Variants in PCED1B observed in about 807,000 individuals in gnomAD.
PCED1B encodes the protein PC-esterase domain-containing protein 1B.
For synonymous variants in PCED1B, 251 were observed against 246.1 expected, an observed-to-expected ratio of 1.02 and a Z score of -0.19; for missense variants, 573 against 573.9, an observed-to-expected ratio of 1.00 and a Z score of 0.02.
chr12:47,143,943 T>A (rs1940691249), intron 2 of PCED1B, among the ~76,000 whole-genome samples: 1 of 152,182 alleles, frequency 6.6e-6, no homozygotes. Context: ...CTGTGGCAGC[T>A]CTGACCCTAC....
intron 2 of PCED1B, among the ~76,000 whole-genome samples, chr12:47,148,876 T>C (rs1157715680): frequency 6.6e-6 from 1 of 152,232 alleles, no homozygotes. Context: ...TTTTCAACAT[T>C]TGTCACTCTT....
chr12:47,229,412 C>A (rs1253183407), intron 3 of PCED1B, among the ~76,000 whole-genome samples: 1 of 146,034 alleles, frequency 6.8e-6, no homozygotes, highest in East Asian at 2.0e-4. Context: ...AAAACTGCTT[C>A]TCAAAAAAAA....
At chr12:47,228,788 G>A (rs969976538) in intron 3 of PCED1B, among the ~76,000 whole-genome samples, 6 of 151,446 alleles carry the variant, frequency 4.0e-5, no homozygotes, top group East Asian at 2.0e-4. Context: ...CAGGAGAATC[G>A]CTTGAACCTG....
chr12:47,229,544 G>A (rs569780326), intron 3 of PCED1B, among the ~76,000 whole-genome samples: 68 of 152,212 alleles, frequency 4.5e-4, no homozygotes, highest in African/African-American at 1.6e-3. Flanking sequence ...GGCCCAAGTG[G>A]AAACACAAAA....
intron 2 of PCED1B, among the ~76,000 whole-genome samples, chr12:47,125,641 G>T (rs923754006): frequency 6.6e-6 from 1 of 151,980 alleles, no homozygotes; most frequent in South Asian, 2.1e-4. Context: ...AACCATAAAC[G>T]TGGTATATCT....
chr12:47,196,152 G>C (rs1942596811), intron 2 of PCED1B, among the ~76,000 whole-genome samples: 1 of 152,194 alleles, frequency 6.6e-6, no homozygotes, highest in Admixed American at 6.5e-5. Context: ...GTGTTTATGT[G>C]TGTAACTTTT....
intron 2 of PCED1B, among the ~76,000 whole-genome samples, chr12:47,123,394 T>C (rs146652039): frequency 4.7e-4 from 71 of 152,246 alleles, no homozygotes; most frequent in African/African-American, 1.7e-3. Context: ...TTGTATTTTA[T>C]CCATGCAGAG....
chr12:47,222,142 G>T (rs1346387286), intron 3 of PCED1B, among the ~76,000 whole-genome samples: 2 of 147,850 alleles, frequency 1.4e-5, no homozygotes, highest in Non-Finnish European at 3.0e-5. Context: ...AAAAACGCCC[G>T]GGCGTGGTGG....
intron 2 of PCED1B, among the ~76,000 whole-genome samples, chr12:47,181,933 G>A (rs1942108075): frequency 6.6e-6 from 1 of 152,204 alleles, no homozygotes; most frequent in African/African-American, 2.4e-5. Context: ...CAGTGCAGAA[G>A]TGCATTCTAA....
intron 2 of PCED1B, among the ~76,000 whole-genome samples, chr12:47,150,892 A>C (rs1940967516): frequency 1.3e-5 from 2 of 152,324 alleles, no homozygotes; most frequent in Non-Finnish European, 1.5e-5. Context: ...TGAGTGAGGT[A>C]GAAAGTCCTG....
At chr12:47,121,309 A>G (rs1285095410) in intron 2 of PCED1B, among the ~76,000 whole-genome samples, 1 of 152,176 alleles carries the variant, frequency 6.6e-6, no homozygotes, top group African/African-American at 2.4e-5. Context: ...GGTTCCTTTC[A>G]TGGCTACAAA....
rs369010994 is a variant in PCED1B, at chr12:47,235,691, G to C, written c.628G>C (p.Asp210His). 4 of 1,613,026 alleles carry C rather than the reference G, an allele frequency of 2.5e-6. No homozygotes were observed. Among genetic ancestry groups the C allele is most frequent in the African/African-American group, 1.3e-5 (1 of 74,884 alleles). The part of the protein sequence containing the change: ...SATEARKHNF[D>H]VLDLHFHFRH... Reference sequence around the variant, plus strand: ...CACCGAGGCACGTAAACATAACTTCGATGTACTGGACTTGCATTTCCACTT... The same window carrying C: ...CACCGAGGCACGTAAACATAACTTCCATGTACTGGACTTGCATTTCCACTT... The change falls in exon 4 of 4, where the codon GAT (aspartate) becomes CAT (histidine). Residue 210 changes from aspartate to histidine, a missense_variant. Transcript: ENST00000546455.
chr12:47,115,032 G>A (rs1031469484), intron 2 of PCED1B, among the ~76,000 whole-genome samples: 6 of 152,050 alleles, frequency 3.9e-5, no homozygotes, highest in Admixed American at 1.3e-4. Flanking sequence ...TATTCAGTAG[G>A]GTCTGAGTAA....
intron 2 of PCED1B, among the ~76,000 whole-genome samples, chr12:47,108,221 A>G (rs982907724): frequency 1.3e-5 from 2 of 152,156 alleles, no homozygotes; most frequent in African/African-American, 4.8e-5. Context: ...GCTAGAGTGG[A>G]CTTAGGATGT....
chr12:47,090,052 C>T (rs1479170494), intron 1 of PCED1B, among the ~76,000 whole-genome samples: 2 of 152,166 alleles, frequency 1.3e-5, no homozygotes, highest in African/African-American at 2.4e-5. Context: ...GGATTACAGG[C>T]GTGAGCCACA....
intron 2 of PCED1B, among the ~76,000 whole-genome samples, chr12:47,129,432 T>G (rs1456206772): frequency 6.6e-6 from 1 of 152,134 alleles, no homozygotes; most frequent in Non-Finnish European, 1.5e-5. Flanking sequence ...GAGGTTGCAG[T>G]GAGCCATAAT....
At chr12:47,087,235 C>T (rs1262291523) in intron 1 of PCED1B, among the ~76,000 whole-genome samples, 1 of 152,164 alleles carries the variant, frequency 6.6e-6, no homozygotes, top group African/African-American at 2.4e-5. Flanking sequence ...TAATACCTAC[C>T]ACTTATTATA....
intron 2 of PCED1B, among the ~76,000 whole-genome samples, chr12:47,199,252 T>C (rs1942695430): frequency 6.6e-6 from 1 of 152,134 alleles, no homozygotes; most frequent in Admixed American, 6.5e-5. Flanking sequence ...AATGACTAAA[T>C]AAATGAAGAG....
Position 47,111,274 on chromosome 12 carries a change from T to C in PCED1B, c.-526+7079T>C, listed in dbSNP as rs1173589765. Reference sequence around the variant, plus strand: ...GGGAACCAACACCTGTATTAGAGTGTTGGAAGACTGCCTTTAAATGCTTCA... The same window carrying C: ...GGGAACCAACACCTGTATTAGAGTGCTGGAAGACTGCCTTTAAATGCTTCA... On this transcript the variant is annotated intron_variant, in intron 2 of 3. Transcript: ENST00000546455. 2.0e-5 allele frequency among the ~76,000 whole-genome samples: 3 copies of C among 152,170 alleles called. 1 individual carries two copies.
Sources: allele counts gnomAD v4.1 joint callset (sites outside exome capture counted in the v4.1 genomes callset), GRCh38; gene constraint gnomAD v4.1.1; transcripts MANE v1.5; gene names NCBI Gene and HGNC (gene_info 2026-07-23, HGNC 2026-07-21).